Variants in TRAK1 observed in about 807,000 individuals in gnomAD.
TRAK1 encodes the protein trafficking kinesin-binding protein 1.
Under a neutral mutation model 92.1 loss-of-function variants are expected in TRAK1, and 33 were observed. The ratio of observed to expected loss-of-function variants is 0.36; its 90% CI spans 0.27 to 0.48. The LOEUF is 0.48. Ranked by LOEUF, TRAK1 falls within the 20% of genes least tolerant of loss-of-function variation. The probability of loss-of-function intolerance (pLI) is 0.99; values close to 1 mark genes in which losing one functional copy is unlikely to be tolerated. For missense variants in TRAK1, 1,123 were observed against 1,257.9 expected (o/e 0.89, Z 1.62); for synonymous variants, 521 against 517.3 (o/e 1.01, Z -0.10).
At chr3:42,210,183 G>A in intron 14 of TRAK1, 198 bp downstream of exon 14, 1 of 1,580,312 alleles carries the variant, frequency 6.3e-7, no homozygotes, top group South Asian at 1.2e-5. Flanking sequence ...AGAGTTTTGG[G>A]CCATTCTCAC....
chr3:42,101,817 G>A (rs1706793917), intron 1 of TRAK1, among the ~76,000 whole-genome samples: 1 of 152,198 alleles, frequency 6.6e-6, no homozygotes, highest in African/African-American at 2.4e-5. Flanking sequence ...ACTTAAGAGA[G>A]AACCACCTCT....
intron 1 of TRAK1, among the ~76,000 whole-genome samples, chr3:42,022,616 G>A (rs1303229714): frequency 2.0e-5 from 3 of 152,010 alleles, no homozygotes; most frequent in Non-Finnish European, 2.9e-5. Flanking sequence ...CAGCTGTCTG[G>A]GAAGTTGAAG....
At position 42,205,443 on chromosome 3, in the gene TRAK1, A is replaced by T. The variant is rs923724946; in HGVS notation, c.1744+2691A>T. On this transcript the variant is annotated intron_variant, in intron 13 of 15. Transcript: ENST00000327628. ...GTTGAATTAATCTTGCCATCTGCTT[A>T]TTGTGAAAGCCAAAAAGCTAAGTGT... 3.3e-5 allele frequency among the ~76,000 whole-genome samples: 5 copies of T among 152,308 alleles called. No homozygotes were observed. The East Asian group carries it at 9.7e-4, about 29-fold the overall frequency.
intron 1 of TRAK1, among the ~76,000 whole-genome samples, chr3:42,110,259 T>C (rs1708208652): frequency 6.6e-6 from 1 of 151,576 alleles, no homozygotes; most frequent in South Asian, 2.1e-4. Flanking sequence ...AGTTCCCGGC[T>C]GTGGCTGGAG....
chr3:42,113,674 CA>C (rs879919152), intron 1 of TRAK1, among the ~76,000 whole-genome samples: 5 of 152,092 alleles, frequency 3.3e-5, no homozygotes, highest in Admixed American at 6.6e-5. Context: ...CTCAGCCTCC[CA>C]AAGTTCTGGG....
intron 14 of TRAK1, chr3:42,219,192 C>A (rs952336833): frequency 1.2e-5 from 12 of 985,082 alleles, no homozygotes; most frequent in Non-Finnish European, 1.4e-5. Flanking sequence ...CCCATTACCC[C>A]ACCCCCCTCG....
At chr3:42,117,722 G>A (rs1238714745) in intron 1 of TRAK1, among the ~76,000 whole-genome samples, 1 of 152,160 alleles carries the variant, frequency 6.6e-6, no homozygotes, top group African/African-American at 2.4e-5. Flanking sequence ...TCTGGAGGTG[G>A]CCACCACTCA....
rs562682270 is a variant in TRAK1 at position 42,143,756 on chromosome 3, G to A, written c.286+18142G>A. Among the ~76,000 whole-genome samples, 9 of 152,230 alleles carry A rather than the reference G, an allele frequency of 5.9e-5. No homozygotes were observed. In the South Asian group the frequency reaches 6.2e-4, roughly 11 times the overall value. ...TTTTCGGCTGCAGTAAACCTGGGCCGAGGGAGGGCTGTAACCCTCAGGAGT... is the reference window on the plus strand; with the variant it reads ...TTTTCGGCTGCAGTAAACCTGGGCCAAGGGAGGGCTGTAACCCTCAGGAGT... On this transcript the variant is annotated intron_variant, in intron 2 of 15. Coordinates refer to ENST00000327628, the MANE Select transcript of TRAK1 (RefSeq NM_001042646.3).
At chr3:42,044,634 G>A (rs1702684633) in intron 1 of TRAK1, among the ~76,000 whole-genome samples, 1 of 152,202 alleles carries the variant, frequency 6.6e-6, no homozygotes, top group African/African-American at 2.4e-5. Context: ...CTTGCCAGCT[G>A]TGTGTGGCTG....
At chr3:42,178,465 C>T (rs963712652) in intron 3 of TRAK1, among the ~76,000 whole-genome samples, 3 of 152,150 alleles carry the variant, frequency 2.0e-5, no homozygotes, top group African/African-American at 4.8e-5. Context: ...TTTCCTGCTT[C>T]TCAGTCTTGT....
At chr3:42,080,965 C>T (rs1704404099) in intron 1 of TRAK1, among the ~76,000 whole-genome samples, 1 of 152,150 alleles carries the variant, frequency 6.6e-6, no homozygotes, top group South Asian at 2.1e-4. Flanking sequence ...GCCTCAACTT[C>T]CTGGGTTCAG....
intron 2 of TRAK1, among the ~76,000 whole-genome samples, chr3:42,166,507 G>A (rs556639587): frequency 1.3e-5 from 2 of 152,202 alleles, no homozygotes; most frequent in African/African-American, 4.8e-5. Flanking sequence ...GACCTTGGAC[G>A]AGCCACTGGC....
chr3:42,125,834 T>A (rs1482774386), intron 2 of TRAK1, among the ~76,000 whole-genome samples: 1 of 152,172 alleles, frequency 6.6e-6, no homozygotes, highest in Non-Finnish European at 1.5e-5. Flanking sequence ...AGTAAGATTT[T>A]CATTTGAACC....
chr3:42,168,022 G>T (rs992213965), intron 2 of TRAK1, among the ~76,000 whole-genome samples: 111 of 152,366 alleles, frequency 7.3e-4, no homozygotes, highest in African/African-American at 2.7e-3. Flanking sequence ...CTTCAAGGAG[G>T]TGGCTATAAC....
chr3:42,045,417 C>G (rs1702715094), intron 1 of TRAK1, among the ~76,000 whole-genome samples: 2 of 152,142 alleles, frequency 1.3e-5, no homozygotes, highest in Admixed American at 6.5e-5. Context: ...TGCCTGTAAT[C>G]CCAGCTACTA....
Position 42,202,324 on chromosome 3 carries a change from T to C in TRAK1, c.1428-112T>C, listed in dbSNP as rs1707746340. The C allele has an allele frequency of 8.5e-7, 1 of 1,178,676 alleles. No homozygotes were observed. The allele number at this position is 1,178,676 out of a possible 1,614,324, so 73.0% of individuals were successfully genotyped here. A position where few individuals can be genotyped will look rare whatever the true frequency, so the allele number is the denominator to read the frequency against. On this transcript the variant is annotated intron_variant, in intron 12 of 15. Coordinates refer to ENST00000327628, the MANE Select transcript of TRAK1 (RefSeq NM_001042646.3). The surrounding 1 kb of genome is among the most constrained non-coding windows in gnomAD (Gnocchi z 6.1). ...TGTCAACTGCTTGCCTTGGTTCCCA[T>C]GGAGAATCCTGTAGCCCCAGGGAAC...
intron 12 of TRAK1, 140 bp downstream of exon 12, chr3:42,201,194 C>A: frequency 1.1e-6 from 1 of 932,206 alleles, no homozygotes; most frequent in Admixed American, 2.2e-5. Context: ...CGTGGTGGCT[C>A]GCGCCTATAA....
At chr3:42,017,973 G>C (rs1426161645) in intron 1 of TRAK1, among the ~76,000 whole-genome samples, 1 of 150,684 alleles carries the variant, frequency 6.6e-6, no homozygotes, top group African/African-American at 2.4e-5. Flanking sequence ...ACAGGTTCTT[G>C]CTATGTAACA....
At chr3:42,131,989 AG>A (rs1458652997) in intron 2 of TRAK1, among the ~76,000 whole-genome samples, 1 of 150,554 alleles carries the variant, frequency 6.6e-6, no homozygotes, top group African/African-American at 2.4e-5. Context: ...GGATTGCTTG[AG>A]CCTAGGAGGT....
Sources: allele counts gnomAD v4.1 joint callset (sites outside exome capture counted in the v4.1 genomes callset), GRCh38; gene constraint gnomAD v4.1.1; non-coding constraint Gnocchi (gnomAD v3.1); transcripts MANE v1.5; gene names NCBI Gene and HGNC (gene_info 2026-07-23, HGNC 2026-07-21).